Variants in SPEG observed in about 807,000 individuals in gnomAD.
SPEG encodes striated muscle preferentially expressed protein kinase.
Under a neutral mutation model 300.4 loss-of-function variants are expected in SPEG, and 114 were observed. The ratio of observed to expected loss-of-function variants is 0.38; its 90% CI spans 0.33 to 0.44. SPEG has a LOEUF of 0.44. Ranked by LOEUF, SPEG falls within the 20% of genes least tolerant of loss-of-function variation. The pLI, the probability that SPEG is intolerant of heterozygous loss-of-function variation, is 1.00. For missense variants in SPEG, 4,201 were observed against 4,586.2 expected (o/e 0.92, Z 2.43); for synonymous variants, 1,964 against 2,018.9 (o/e 0.97, Z 0.73).
At position 219,483,115 on chromosome 2, in the gene SPEG, C is replaced by T. The variant is rs756568773; in HGVS notation, c.5652C>T (p.Tyr1884=). 6.2e-7 allele frequency: 1 copy of T among 1,607,674 alleles called. No homozygotes were observed. Among genetic ancestry groups the T allele is most frequent in the Admixed American group, 1.7e-5 (1 of 59,866 alleles). Residue 1884 remains tyrosine, a synonymous_variant, in exon 30 of 41, where the codon TAC becomes TAT. Coordinates refer to ENST00000312358, the MANE Select transcript of SPEG (RefSeq NM_005876.5). The part of the protein sequence containing the change: ...RRRWQRSQIS[Y]KCHLVLRPIP... ...GTCTCCAGCGCTCCCAGATCAGCTA[C>T]AAATGCCACCTGGTGCTGCGCCCCA...
chr2:219,465,859 ATG>A (rs1236179980), intron 9 of SPEG: 1 of 601,172 alleles, frequency 1.7e-6, no homozygotes, highest in Non-Finnish European at 3.0e-6. Flanking sequence ...ATGTGTGTGC[ATG>A]TGTGTGCGTG....
intron 40 of SPEG, 87 bp downstream of exon 40, chr2:219,492,347 C>T (rs555725567): frequency 2.1e-6 from 3 of 1,441,200 alleles, no homozygotes; most frequent in Non-Finnish European, 2.9e-6. Flanking sequence ...CTCCCCTGCT[C>T]CTAGGAAGAA....
In SPEG at chr2:219,484,787, G is replaced by A; in HGVS notation, c.7324G>A (p.Gly2442Arg). The change falls in exon 30 of 41, where the codon GGG (glycine) becomes AGG (arginine). Residue 2442 changes from glycine to arginine, a missense_variant. Coordinates refer to ENST00000312358, the MANE Select transcript of SPEG (RefSeq NM_005876.5). Reference protein sequence around the residue: ...RGGDGESSEGGSSARGSPVLA... With the variant: ...RGGDGESSEGRSSARGSPVLA... The stretch of plus-strand genomic sequence containing the variant: ...CGGGGACGGAGAGAGCTCGGAGGGC[G>A]GGAGCTCGGCGCGGGGCTCCCCGGT... The A allele has an allele frequency of 6.8e-7, 1 of 1,469,294 alleles. No individual in the cohort carries two copies. The highest frequency in any genetic ancestry group is 8.9e-7 in the Non-Finnish European group (1 of 1,121,248). 91.0% of individuals were successfully genotyped at this position (1,469,294 alleles called of 1,614,324 possible).
At position 219,483,853 on chromosome 2, in the gene SPEG, C is replaced by G. The variant is rs1480887240; in HGVS notation, c.6390C>G (p.Ser2130Arg). 3.8e-6 allele frequency: 6 copies of G among 1,592,824 alleles called. No individual in the cohort carries two copies. Among genetic ancestry groups the G allele is most frequent in the Non-Finnish European group, 4.3e-6 (5 of 1,175,218 alleles). Residue 2130 changes from serine to arginine, a missense_variant, in exon 30 of 41, where the codon AGC becomes AGG. Coordinates refer to ENST00000312358, the MANE Select transcript of SPEG (RefSeq NM_005876.5). ...LENRGLQKSS[S>R]FSQGEAEPRG... ...ACCGGGGCCTGCAAAAGAGCAGCAG[C>G]TTCTCCCAGGGTGAGGCGGAGCCCC... is the stretch of plus-strand genomic sequence containing the variant.
rs910047052 is a variant in SPEG at position 219,457,107 on chromosome 2, G to A, written c.2441-4775G>A. Among the ~76,000 whole-genome samples, 10 of 152,150 alleles carry A rather than the reference G, an allele frequency of 6.6e-5. No individual in the cohort carries two copies. In the East Asian group the frequency reaches 7.7e-4, roughly 12 times the overall value. On this transcript the variant is annotated intron_variant, in intron 6 of 40. Transcript: ENST00000312358. ...GGAAATGCCCACCTCCTGGCCAGCCGTGTCCTCCCTTTCCCTGACTTTTCC... is the reference window on the plus strand; with the variant it reads ...GGAAATGCCCACCTCCTGGCCAGCCATGTCCTCCCTTTCCCTGACTTTTCC...
chr2:219,465,667 A>C (rs1575110713), intron 9 of SPEG: 1 of 309,020 alleles, frequency 3.2e-6, no homozygotes, highest in Non-Finnish European at 6.0e-6. Flanking sequence ...ACCCCGAGGA[A>C]CCAGTCTCTG....
intron 6 of SPEG, among the ~76,000 whole-genome samples, chr2:219,454,030 GC>G (rs1443800411): frequency 2.0e-5 from 3 of 152,172 alleles, no homozygotes; most frequent in African/African-American, 7.2e-5. Flanking sequence ...GAAGAGGCCT[GC>G]GTGCAGCCAC....
chr2:219,484,527 C>T lies in SPEG; in HGVS notation c.7064C>T (p.Ser2355Leu). Residue 2355 changes from serine to leucine, a missense_variant, in exon 30 of 41, where the codon TCG (serine) becomes TTG (leucine). Coordinates refer to ENST00000312358, the MANE Select transcript of SPEG (RefSeq NM_005876.5). ...LSLGLRLLSR[S>L]RSEERGPFRG... ...CTGGGGCTGCGGCTGCTGAGCCGTT[C>T]GCGCTCGGAGGAGCGCGGCCCCTTC... The T allele has an allele frequency of 6.3e-7, 1 of 1,599,256 alleles. No individual in the cohort carries two copies. The highest frequency in any genetic ancestry group is 8.5e-7 in the Non-Finnish European group (1 of 1,175,616).
rs1226550372 is a variant in SPEG, at chr2:219,435,307, C to A, written c.330C>A (p.Ala110=). The A allele has an allele frequency of 6.5e-7, 1 of 1,532,972 alleles. No homozygotes were observed. The highest frequency in any genetic ancestry group is 8.7e-7 in the Non-Finnish European group (1 of 1,146,934). The allele number at this position is 1,532,972 out of a possible 1,614,324, so 95.0% of individuals were successfully genotyped here. A position where few individuals can be genotyped will look rare whatever the true frequency, so the allele number is the denominator to read the frequency against. ...AQDAGVYSCM[A]QNERGRASCE... Reference sequence around the variant, plus strand: ...ACGCCGGCGTGTACAGCTGCATGGCCCAGAACGAGCGGGGCCGGGCCTCCT... The same window carrying A: ...ACGCCGGCGTGTACAGCTGCATGGCACAGAACGAGCGGGGCCGGGCCTCCT... The change falls in exon 1 of 41, where the codon GCC becomes GCA. Residue 110 remains alanine, a synonymous_variant. Coordinates refer to ENST00000312358, the MANE Select transcript of SPEG (RefSeq NM_005876.5).
At chr2:219,461,099 G>A in intron 6 of SPEG, 1 of 902,040 alleles carries the variant, frequency 1.1e-6, no homozygotes, top group Non-Finnish European at 1.3e-6. Context: ...AGTCGGATAG[G>A]AGCCAGCTCA....
chr2:219,443,950 T>C lies in SPEG; in HGVS notation c.389-703T>C. On this transcript the variant is annotated intron_variant, in intron 1 of 40. Transcript: ENST00000312358. This position sits in a 1 kb window ranked among gnomAD's most constrained non-coding sequence, Gnocchi z 4.6. ...TGCCTCACGCCCCTTCTGTCTTGAC[T>C]GCCCTCCATGCCCTGCCCCACAAAC... 1 of 1,225,134 alleles carries C rather than the reference T, an allele frequency of 8.2e-7. No homozygotes were observed. Among genetic ancestry groups the C allele is most frequent in the Middle Eastern group, 2.2e-4 (1 of 4,532 alleles). 75.9% of individuals were successfully genotyped at this position (1,225,134 alleles called of 1,614,324 possible).
chr2:219,460,576 G>A (rs1486095221), intron 6 of SPEG: 1 of 985,464 alleles, frequency 1.0e-6, no homozygotes, highest in Non-Finnish European at 1.2e-6. Flanking sequence ...GCTCTTGTCA[G>A]GGTCTGAAGC....
intron 31 of SPEG, among the ~76,000 whole-genome samples, chr2:219,486,676 G>A (rs946091098): frequency 7.9e-5 from 12 of 152,076 alleles, no homozygotes; most frequent in Non-Finnish European, 1.3e-4. Context: ...TCCGCTCCCC[G>A]TTCCCTGCAG....
chr2:219,448,213 A>G lies in SPEG; in HGVS notation c.1055A>G (p.Glu352Gly), dbSNP rs1689465269. 6.2e-7 allele frequency: 1 copy of G among 1,612,482 alleles called. No homozygotes were observed. The highest frequency in any genetic ancestry group is 1.3e-5 in the African/African-American group (1 of 75,018). ...CTGCCCGAGGACACCACCACCGAAG[A>G]GAAGCGAGGGAAGAAGTCCAAGTCG... ...PVLPEDTTTEEKRGKKSKSSG... is the reference protein window; with the variant it reads ...PVLPEDTTTEGKRGKKSKSSG... Residue 352 changes from glutamate (E) to glycine (G), a missense_variant, in exon 4 of 41, where the codon GAG becomes GGG. Coordinates refer to ENST00000312358, the MANE Select transcript of SPEG (RefSeq NM_005876.5).
At chr2:219,440,379 C>T (rs1182695071) in intron 1 of SPEG, among the ~76,000 whole-genome samples, 3 of 151,820 alleles carry the variant, frequency 2.0e-5, no homozygotes, top group Non-Finnish European at 4.4e-5. Flanking sequence ...CAGAGTGAGA[C>T]CTAGTCTCTA....
At chr2:219,467,723 G>C (rs1184351530) in intron 10 of SPEG, among the ~76,000 whole-genome samples, 1 of 152,274 alleles carries the variant, frequency 6.6e-6, no homozygotes, top group Non-Finnish European at 1.5e-5. Context: ...ATATAACTTT[G>C]AACAAGTCAC....
Position 219,481,264 on chromosome 2 carries a change from C to G in SPEG, c.5370-40C>G. On this transcript the variant is annotated intron_variant, in intron 26 of 40. Transcript: ENST00000312358. This position sits in a 1 kb window ranked among gnomAD's most constrained non-coding sequence, Gnocchi z 5.4. ...TGCCCCCACTGACATTCCCCTTTGTCCCCGCCTGCCCCTCATGACAGCCCT... is the reference window on the plus strand; with the variant it reads ...TGCCCCCACTGACATTCCCCTTTGTGCCCGCCTGCCCCTCATGACAGCCCT... 6.2e-7 allele frequency: 1 copy of G among 1,602,482 alleles called. No homozygotes were observed. The highest frequency in any genetic ancestry group is 8.5e-7 in the Non-Finnish European group (1 of 1,172,932).
At chr2:219,461,304 C>T in intron 6 of SPEG, 1 of 987,638 alleles carries the variant, frequency 1.0e-6, no homozygotes, top group Non-Finnish European at 1.2e-6. Context: ...CCAACAGGTG[C>T]CCCTGGGGTT....
At chr2:219,471,312 ATAGT>A (rs890612971) in intron 13 of SPEG, among the ~76,000 whole-genome samples, 4 of 152,160 alleles carry the variant, frequency 2.6e-5, no homozygotes, top group South Asian at 2.1e-4. Flanking sequence ...CAGGGGCCTG[ATAGT>A]TAGCCAGCAT....
Sources: allele counts gnomAD v4.1 joint callset (sites outside exome capture counted in the v4.1 genomes callset), GRCh38; gene constraint gnomAD v4.1.1; non-coding constraint Gnocchi (gnomAD v3.1); transcripts MANE v1.5; gene names NCBI Gene and HGNC (gene_info 2026-07-23, HGNC 2026-07-21).